The following MAP2K1 variants were observed in gnomAD, a reference collection of about 807,000 sequenced individuals.
The protein encoded by MAP2K1 is mitogen-activated protein kinase kinase 1.
Under a neutral mutation model 46.3 loss-of-function variants are expected in MAP2K1, and 16 were observed. The ratio of observed to expected loss-of-function variants is 0.35; its 90% CI spans 0.23 to 0.52. The LOEUF (loss-of-function observed/expected upper bound fraction) is 0.52, where lower values mean the gene tolerates loss of function less well. MAP2K1 is among the 20% of genes least tolerant of loss of function. The probability of loss-of-function intolerance (pLI) is 0.94; values close to 1 mark genes in which losing one functional copy is unlikely to be tolerated. For missense variants in MAP2K1, 263 were observed against 497.1 expected, an observed-to-expected ratio of 0.53 and a Z score of 4.48; for synonymous variants, 183 against 185.6, an observed-to-expected ratio of 0.99 and a Z score of 0.11.
In MAP2K1 at chr15:66,490,689, G is replaced by A; in HGVS notation, c.*74G>A. On this transcript the variant is annotated 3_prime_UTR_variant, in exon 11 of 11. Transcript: ENST00000307102. ...TGTCGCTTTTGGGCCTCCTTCCCAT[G>A]CCTGTCTCTGTTCAGATGTGCATTT... The A allele has an allele frequency of 9.8e-7, 1 of 1,022,234 alleles. No individual in the cohort carries two copies. The highest frequency in any genetic ancestry group is 1.6e-6 in the Non-Finnish European group (1 of 642,272). 63.3% of individuals were successfully genotyped at this position (1,022,234 alleles called of 1,614,324 possible). A position where few individuals can be genotyped will look rare whatever the true frequency, so the allele number is the denominator to read the frequency against.
intron 9 of MAP2K1, 97 bp from the exon 10 acceptor site, chr15:66,489,621 G>A (rs1390871368): frequency 1.7e-5 from 16 of 918,974 alleles, no homozygotes; most frequent in South Asian, 9.1e-5. Flanking sequence ...GGCAATCCTC[G>A]GCCTCTAGTG....
chr15:66,436,217 T>A (rs936024478), intron 2 of MAP2K1, among the ~76,000 whole-genome samples: 1 of 152,224 alleles, frequency 6.6e-6, no homozygotes, highest in Non-Finnish European at 1.5e-5. Context: ...GGGATTTTTT[T>A]AGAAGTTCAA....
At chr15:66,485,213 C>CA (rs1567025952) in intron 7 of MAP2K1, 22 bp downstream of exon 7, 9 of 1,606,420 alleles carry the variant, frequency 5.6e-6, no homozygotes. Flanking sequence ...GGTGTGTCCC[C>CA]ATCTTGGACT....
intron 5 of MAP2K1, among the ~76,000 whole-genome samples, chr15:66,469,192 G>T (rs1892546328): frequency 6.6e-6 from 1 of 151,228 alleles, no homozygotes; most frequent in African/African-American, 2.4e-5. Flanking sequence ...GGAGGTGGAG[G>T]TTGCAGTGAG....
intron 1 of MAP2K1, among the ~76,000 whole-genome samples, chr15:66,407,571 A>G (rs964368988): frequency 6.6e-6 from 1 of 152,244 alleles, no homozygotes; most frequent in Non-Finnish European, 1.5e-5. Flanking sequence ...TGAGCTGCAC[A>G]TAGTTTCATG....
At chr15:66,480,283 T>A (rs1452891635) in intron 5 of MAP2K1, among the ~76,000 whole-genome samples, 1 of 151,962 alleles carries the variant, frequency 6.6e-6, no homozygotes. Context: ...GAGATGGGAG[T>A]TACGCCATGT....
intron 1 of MAP2K1, among the ~76,000 whole-genome samples, chr15:66,389,378 C>G (rs989451870): frequency 2.6e-5 from 4 of 152,156 alleles, no homozygotes; most frequent in Admixed American, 2.0e-4. Context: ...TGTTATCATT[C>G]TGTTGTAATC....
At chr15:66,403,355 A>C (rs570451641) in intron 1 of MAP2K1, among the ~76,000 whole-genome samples, 1 of 152,268 alleles carries the variant, frequency 6.6e-6, no homozygotes, top group African/African-American at 2.4e-5. Context: ...GGTTGAGGGA[A>C]AAGAGAATAA....
intron 5 of MAP2K1, among the ~76,000 whole-genome samples, chr15:66,463,834 C>T (rs983297527): frequency 2.6e-5 from 4 of 152,144 alleles, no homozygotes; most frequent in South Asian, 2.1e-4. Context: ...AATTAATATA[C>T]GTAAGATGTA....
chr15:66,447,457 G>A (rs1208361065), intron 5 of MAP2K1, among the ~76,000 whole-genome samples: 3 of 151,946 alleles, frequency 2.0e-5, no homozygotes, highest in African/African-American at 7.2e-5. Flanking sequence ...TTGGGAGGCC[G>A]AGGCGGGCGG....
rs1232353333 is a variant in MAP2K1 at position 66,466,269 on chromosome 15, G to C, written c.569-15486G>C. ...AACAGATTTTTATTGCACATATGCA[G>C]ATAACTATATTGCCGTAAGTTAAGA... On this transcript the variant is annotated intron_variant, in intron 5 of 10. Transcript: ENST00000307102. Among the ~76,000 whole-genome samples the C allele has an allele frequency of 2.6e-5, 4 of 152,230 alleles. No homozygotes were observed. The East Asian group carries it at 7.7e-4, about 29-fold the overall frequency.
intron 5 of MAP2K1, among the ~76,000 whole-genome samples, chr15:66,467,718 G>T (rs1168031350): frequency 6.6e-6 from 1 of 152,100 alleles, no homozygotes; most frequent in African/African-American, 2.4e-5. Flanking sequence ...CTGCCACCAC[G>T]CCCAACTAAT....
At chr15:66,445,557 CT>C (rs1265579362) in intron 5 of MAP2K1, among the ~76,000 whole-genome samples, 2 of 152,158 alleles carry the variant, frequency 1.3e-5, no homozygotes, top group Admixed American at 6.6e-5. Flanking sequence ...AGCTGTATTT[CT>C]TGTAGAAACA....
chr15:66,452,234 A>G (rs1406268316), intron 5 of MAP2K1, among the ~76,000 whole-genome samples: 2 of 140,874 alleles, frequency 1.4e-5, no homozygotes, highest in African/African-American at 5.2e-5. Flanking sequence ...ACATGTATAC[A>G]TATGTAACTA....
At chr15:66,392,255 G>GTTTTTTTTTTTTT (rs58831070) in intron 1 of MAP2K1, among the ~76,000 whole-genome samples, 1,393 of 97,536 alleles carry the variant, frequency 0.014, 108 homozygotes, top group African/African-American at 0.061. Context: ...TTTTTTTTGG[G>GTTTTTTTTTTTTT]TTTTTTTTTT....
At chr15:66,410,414 A>G (rs980308942) in intron 1 of MAP2K1, among the ~76,000 whole-genome samples, 8 of 151,288 alleles carry the variant, frequency 5.3e-5, no homozygotes, top group African/African-American at 1.9e-4. Context: ...TTTAGGAAAA[A>G]GGGGAAAAAA....
intron 1 of MAP2K1, among the ~76,000 whole-genome samples, chr15:66,406,466 A>T (rs1021584339): frequency 2.6e-5 from 4 of 152,206 alleles, no homozygotes; most frequent in Non-Finnish European, 4.4e-5. Context: ...GAGCAAAAGG[A>T]GGCATTGTGC....
rs2140584485 is a variant in MAP2K1 at position 66,436,899 on chromosome 15, G to C, written c.438+7G>C. On this transcript the variant is annotated splice_region_variant and intron_variant, in intron 3 of 10. Coordinates refer to ENST00000307102, the MANE Select transcript of MAP2K1 (RefSeq NM_002755.4). The stretch of plus-strand genomic sequence containing the variant: ...TATCTGCATGGAGCACATGGTATGT[G>C]ACACCCTCTCAGCCTCTGGAGCAAT... 2 of 1,614,000 alleles carry C rather than the reference G, an allele frequency of 1.2e-6. No homozygotes were observed. Among genetic ancestry groups the C allele is most frequent in the Non-Finnish European group, 1.7e-6 (2 of 1,179,950 alleles).
In MAP2K1 at chr15:66,387,094, C is replaced by T. The variant is rs2093342694; in HGVS notation, c.-254C>T. 2.4e-6 allele frequency: 1 copy of T among 421,696 alleles called. No homozygotes were observed. The allele number at this position is 421,696 out of a possible 1,614,324, so 26.1% of individuals were successfully genotyped here. A position where few individuals can be genotyped will look rare whatever the true frequency, so the allele number is the denominator to read the frequency against. ...GCTGCCGAACCGCACGTTCAGCCCG[C>T]TCCGCTCCTGCAGGGCAGCCTTTCG... On this transcript the variant is annotated 5_prime_UTR_variant, in exon 1 of 11. Transcript: ENST00000307102.
Sources: allele counts gnomAD v4.1 joint callset (sites outside exome capture counted in the v4.1 genomes callset), GRCh38; gene constraint gnomAD v4.1.1; transcripts MANE v1.5; gene names NCBI Gene and HGNC (gene_info 2026-07-23, HGNC 2026-07-21).